The following SNX29 variants were observed in gnomAD, a reference collection of about 807,000 sequenced individuals.
SNX29 encodes sorting nexin 29.
In SNX29, 78 loss-of-function variants were observed where a neutral mutation model predicts 102.1. The observed-to-expected ratio is 0.76, with a 90% confidence interval of 0.64 to 0.92. The LOEUF is 0.92. Ranked by LOEUF, SNX29 falls within the 40% of genes least tolerant of loss-of-function variation. The pLI is 0.00. For missense variants in SNX29, 1,280 were observed against 1,061.7 expected (o/e 1.21, Z -2.86); for synonymous variants, 580 against 414.5 (o/e 1.40, Z -4.85).
chr16:12,008,582 A>T (rs961842781), intron 3 of SNX29, among the ~76,000 whole-genome samples: 2 of 152,016 alleles, frequency 1.3e-5, no homozygotes, highest in Non-Finnish European at 2.9e-5. Flanking sequence ...ATCATTTTTG[A>T]CTTACAAAAA....
intron 20 of SNX29, among the ~76,000 whole-genome samples, chr16:12,535,744 G>A (rs1354923240): frequency 3.9e-5 from 6 of 152,168 alleles, no homozygotes; most frequent in East Asian, 3.9e-4. Flanking sequence ...GGTCACGCTC[G>A]TCTTCCACCA....
intron 20 of SNX29, among the ~76,000 whole-genome samples, chr16:12,531,211 C>A (rs2076923100): frequency 6.6e-6 from 1 of 152,180 alleles, no homozygotes; most frequent in Non-Finnish European, 1.5e-5. Flanking sequence ...AAGCAGGGAG[C>A]CCCAAGTCAT....
chr16:12,537,255 C>T (rs905517581), intron 20 of SNX29, among the ~76,000 whole-genome samples: 2 of 152,158 alleles, frequency 1.3e-5, no homozygotes, highest in African/African-American at 4.8e-5. Flanking sequence ...AATAATGTAC[C>T]TTCTTTTCAC....
chr16:12,135,578 C>G (rs2054631179), intron 13 of SNX29: 1 of 1,336,504 alleles, frequency 7.5e-7, no homozygotes, highest in Non-Finnish European at 9.8e-7. Flanking sequence ...TGAGGAGATT[C>G]TAACCCCACG....
chr16:12,296,614 A>G (rs2079989896), intron 15 of SNX29, among the ~76,000 whole-genome samples: 2 of 152,308 alleles, frequency 1.3e-5, no homozygotes, highest in South Asian at 4.1e-4. Flanking sequence ...TATTTACCAA[A>G]ACAGGCAGGG....
chr16:12,111,490 G>T (rs1173360142), intron 11 of SNX29, among the ~76,000 whole-genome samples: 1 of 152,126 alleles, frequency 6.6e-6, no homozygotes, highest in Non-Finnish European at 1.5e-5. Context: ...TTCCCTCCCT[G>T]CGCAGGAGTC....
intron 3 of SNX29, among the ~76,000 whole-genome samples, chr16:12,003,587 C>G (rs1297428801): frequency 6.6e-6 from 1 of 152,184 alleles, no homozygotes; most frequent in African/African-American, 2.4e-5. Context: ...TAGATAGCAC[C>G]TCTGGCCAGA....
At chr16:12,129,494 A>G (rs2054360320) in intron 12 of SNX29, 136 bp from the exon 13 acceptor site, 1 of 1,153,520 alleles carries the variant, frequency 8.7e-7, no homozygotes, top group African/African-American at 1.6e-5. Context: ...CACATGAGAT[A>G]GACTTGAATT....
intron 13 of SNX29, among the ~76,000 whole-genome samples, chr16:12,147,303 A>T (rs555323848): frequency 6.6e-6 from 1 of 152,316 alleles, no homozygotes; most frequent in East Asian, 1.9e-4. Flanking sequence ...GCTCCAGCCC[A>T]TCGCTTTCCC....
At chr16:12,138,378 G>T (rs350279) in intron 13 of SNX29, among the ~76,000 whole-genome samples, 97,781 of 151,464 alleles carry the variant, frequency 0.65, 32,201 homozygotes, top group East Asian at 0.91. Context: ...CAGCTCATTT[G>T]TATATTTTTA....
At chr16:12,281,890 G>A (rs947316538) in intron 15 of SNX29, among the ~76,000 whole-genome samples, 10 of 151,816 alleles carry the variant, frequency 6.6e-5, no homozygotes, top group African/African-American at 2.4e-4. Flanking sequence ...GGCCAACACG[G>A]GGAAACTATG....
chr16:12,173,544 T>C (rs1158011769), intron 13 of SNX29, among the ~76,000 whole-genome samples: 1 of 152,230 alleles, frequency 6.6e-6, no homozygotes, highest in Non-Finnish European at 1.5e-5. Context: ...CTGTATCTTT[T>C]GGCTCCAAAT....
chr16:12,053,737 A>G (rs944007168), intron 8 of SNX29, among the ~76,000 whole-genome samples: 6 of 149,850 alleles, frequency 4.0e-5, no homozygotes, highest in Non-Finnish European at 7.4e-5. Context: ...ATCTGCATGG[A>G]TGCTTGTACT....
At position 12,572,410 on chromosome 16, in the gene SNX29, G is replaced by A. The variant is rs552627257; in HGVS notation, c.*3781G>A. On this transcript the variant is annotated 3_prime_UTR_variant, in exon 21 of 21. Transcript: ENST00000566228. ...TCCCAACAGCCTGAGGCAGGGCTCT[G>A]TGGCCCAGGCCGGCAGTGGCTGCCT... 43 of 1,063,758 alleles carry A rather than the reference G, an allele frequency of 4.0e-5. No homozygotes were observed. The African/African-American group carries it at 5.2e-4, about 13-fold the overall frequency. 65.9% of individuals were successfully genotyped at this position (1,063,758 alleles called of 1,614,324 possible).
chr16:12,478,031 T>C (rs2087736511), intron 19 of SNX29, among the ~76,000 whole-genome samples, 172 bp downstream of exon 19: 1 of 152,204 alleles, frequency 6.6e-6, no homozygotes, highest in African/African-American at 2.4e-5. Context: ...CACCTAAAGA[T>C]GGTCACCATT....
intron 14 of SNX29, among the ~76,000 whole-genome samples, chr16:12,254,986 G>T (rs1006766923): frequency 2.0e-5 from 3 of 152,178 alleles, no homozygotes; most frequent in African/African-American, 7.2e-5. Context: ...GCAGGGACGT[G>T]CAGCAGGAAT....
intron 4 of SNX29, among the ~76,000 whole-genome samples, chr16:12,028,279 C>T (rs2057247074): frequency 6.6e-6 from 1 of 152,228 alleles, no homozygotes; most frequent in Admixed American, 6.5e-5. Context: ...TCTCTGCTAA[C>T]ATAATCCTTA....
chr16:12,477,307 C>T (rs1318996110), intron 18 of SNX29, among the ~76,000 whole-genome samples: 1 of 152,166 alleles, frequency 6.6e-6, no homozygotes, highest in Non-Finnish European at 1.5e-5. Flanking sequence ...CTCCAAACCA[C>T]CTTTGGAGCG....
At chr16:12,524,674 A>T (rs1239185768) in intron 19 of SNX29, 28 bp from the exon 20 acceptor site, 1 of 1,609,906 alleles carries the variant, frequency 6.2e-7, no homozygotes, top group African/African-American at 1.3e-5. Context: ...AAGACGTACC[A>T]AAGCGAAGAT....
Sources: gnomAD v4.1 joint callset for allele counts (sites outside exome capture counted in the v4.1 genomes callset) on GRCh38, gnomAD v4.1.1 for gene constraint, MANE v1.5 for transcripts, NCBI Gene and HGNC (gene_info 2026-07-23, HGNC 2026-07-21) for gene names.